CHST8: variants seen among roughly 807,000 people sequenced by gnomAD.
CHST8 encodes GALNAC-4-ST1.
CHST8 carries 10 observed loss-of-function variants against 15.0 expected under a neutral mutation model. That is an observed-to-expected ratio of 0.67 (90% confidence interval 0.41 to 1.13). The LOEUF (loss-of-function observed/expected upper bound fraction) is 1.13. CHST8 is among the 50% of genes most tolerant of loss of function. The pLI, the probability that CHST8 is intolerant of heterozygous loss-of-function variation, is 0.00. For missense variants in CHST8, 634 were observed against 608.2 expected (o/e 1.04, Z -0.45); for synonymous variants, 259 against 256.6 (o/e 1.01, Z -0.09).
At chr19:33,658,482 G>A (rs1367380232) in intron 1 of CHST8, among the ~76,000 whole-genome samples, 1 of 152,030 alleles carries the variant, frequency 6.6e-6, no homozygotes, top group Non-Finnish European at 1.5e-5. Context: ...CAATTTCAGG[G>A]CAAGCCCTCT....
chr19:33,698,780 G>C (rs534099755), intron 3 of CHST8, among the ~76,000 whole-genome samples: 5 of 152,188 alleles, frequency 3.3e-5, no homozygotes, highest in Non-Finnish European at 7.4e-5. Context: ...TCCACCGAGG[G>C]GTGTCCAGCC....
chr19:33,704,145 G>A (rs1348938921), intron 3 of CHST8, among the ~76,000 whole-genome samples: 3 of 152,198 alleles, frequency 2.0e-5, no homozygotes, highest in Non-Finnish European at 4.4e-5. Flanking sequence ...CTCTGTGCCT[G>A]GTCTTGGTTT....
intron 3 of CHST8, among the ~76,000 whole-genome samples, chr19:33,707,521 A>C (rs543368104): frequency 1.3e-5 from 2 of 152,278 alleles, no homozygotes; most frequent in African/African-American, 4.8e-5. Context: ...TGTGTGGTCT[A>C]TCATATCTGG....
chr19:33,720,315 TA>T (rs2145308527), intron 3 of CHST8, among the ~76,000 whole-genome samples: 1 of 150,318 alleles, frequency 6.7e-6, no homozygotes, highest in African/African-American at 2.4e-5. Context: ...ACATCACATA[TA>T]CACACTGCAC....
At chr19:33,718,975 T>C (rs1973723801) in intron 3 of CHST8, among the ~76,000 whole-genome samples, 1 of 152,078 alleles carries the variant, frequency 6.6e-6, no homozygotes, top group South Asian at 2.1e-4. Context: ...CTACAGGGGC[T>C]CTGGACTTGT....
At chr19:33,691,107 T>C (rs1362052649) in intron 3 of CHST8, among the ~76,000 whole-genome samples, 1 of 152,218 alleles carries the variant, frequency 6.6e-6, no homozygotes, top group East Asian at 1.9e-4. Context: ...GCTAGTGCCC[T>C]GCCCTGCCGC....
At chr19:33,720,837 G>A (rs1973776400) in intron 3 of CHST8, among the ~76,000 whole-genome samples, 1 of 152,244 alleles carries the variant, frequency 6.6e-6, no homozygotes, top group Non-Finnish European at 1.5e-5. Flanking sequence ...CTGGGAGCTG[G>A]GGCCAGTTCA....
At chr19:33,701,976 A>G in intron 3 of CHST8, among the ~76,000 whole-genome samples, 1 of 151,962 alleles carries the variant, frequency 6.6e-6, no homozygotes, top group South Asian at 2.1e-4. Context: ...CATGGTCTAT[A>G]TGTTTGTTTG....
intron 1 of CHST8, among the ~76,000 whole-genome samples, chr19:33,661,314 G>A (rs942108786): frequency 3.9e-5 from 6 of 152,270 alleles, no homozygotes; most frequent in Non-Finnish European, 8.8e-5. Flanking sequence ...CTGCACCTTG[G>A]AATATTCTGG....
intron 2 of CHST8, among the ~76,000 whole-genome samples, chr19:33,684,371 C>A (rs1232002832): frequency 6.6e-6 from 1 of 152,198 alleles, no homozygotes; most frequent in African/African-American, 2.4e-5. Context: ...GTGCCAAGGC[C>A]CGGCTCTGGG....
At chr19:33,740,957 T>TGGAGC (rs746439279) in intron 3 of CHST8, among the ~76,000 whole-genome samples, 3 of 152,218 alleles carry the variant, frequency 2.0e-5, no homozygotes, top group Non-Finnish European at 2.9e-5. Context: ...GAACAGAACC[T>TGGAGC]GGAGCTAAAC....
rs532867130 is a variant in CHST8, at chr19:33,724,643, A to G, written c.130+35252A>G. 1.2e-3 allele frequency among the ~76,000 whole-genome samples: 180 copies of G among 152,194 alleles called. 1 individual carries two copies. Among genetic ancestry groups the G allele is most frequent in the Non-Finnish European group, 2.0e-3 (138 of 67,968 alleles). ...CCTCGGAAGGCCCTGGAGGGGCACA[A>G]AGACCAGGTCAGACCTGCCACTCCT... On this transcript the variant is annotated intron_variant, in intron 3 of 4. Transcript: ENST00000650847.
At chr19:33,759,620 C>T (rs191638804) in intron 3 of CHST8, among the ~76,000 whole-genome samples, 1 of 152,340 alleles carries the variant, frequency 6.6e-6, no homozygotes, top group Admixed American at 6.5e-5. Context: ...TGACCAGCCA[C>T]CCCTGATCCC....
chr19:33,722,369 G>C (rs749893118), intron 3 of CHST8, among the ~76,000 whole-genome samples: 1 of 152,156 alleles, frequency 6.6e-6, no homozygotes, highest in Non-Finnish European at 1.5e-5. Context: ...ATGGACGGAC[G>C]GACAGACGGA....
intron 3 of CHST8, among the ~76,000 whole-genome samples, chr19:33,758,023 G>A (rs937270728): frequency 2.6e-5 from 4 of 152,032 alleles, no homozygotes; most frequent in Non-Finnish European, 5.9e-5. Context: ...CCAGACCCTC[G>A]GCAGGGAAGA....
chr19:33,694,093 C>CATATATATAT lies in CHST8; in HGVS notation c.130+4730_130+4739dup, dbSNP rs3040787. Among the ~76,000 whole-genome samples the CATATATATAT allele has an allele frequency of 8.5e-3, 266 of 31,342 alleles. 42 individuals are homozygous for CATATATATAT. Among genetic ancestry groups the CATATATATAT allele is most frequent in the Non-Finnish European group, 0.011 (186 of 17,478 alleles). The allele number at this position is 31,342 out of a possible 152,430, so 20.6% of individuals were successfully genotyped here. A position where few individuals can be genotyped will look rare whatever the true frequency, so the allele number is the denominator to read the frequency against. On this transcript the variant is annotated intron_variant, in intron 3 of 4. Coordinates refer to ENST00000650847, the MANE Select transcript of CHST8 (RefSeq NM_001127895.2). ...CATACAGATTCTGTTGTAGTTTATT[C>CATATATATAT]ATATATATATATATATATATATATA...
intron 3 of CHST8, among the ~76,000 whole-genome samples, chr19:33,742,712 T>C (rs1361639875): frequency 6.6e-6 from 1 of 152,208 alleles, no homozygotes; most frequent in East Asian, 1.9e-4. Flanking sequence ...TTGTTTTTGT[T>C]GTATATATCG....
intron 3 of CHST8, among the ~76,000 whole-genome samples, chr19:33,739,052 C>T (rs62103471): frequency 0.052 from 7,840 of 152,208 alleles, 344 homozygotes; most frequent in Admixed American, 0.13. Flanking sequence ...TCAGGCAAAA[C>T]TCCCCCGCCC....
At chr19:33,625,884 G>A (rs1972046798) in intron 1 of CHST8, among the ~76,000 whole-genome samples, 1 of 151,878 alleles carries the variant, frequency 6.6e-6, no homozygotes, top group Non-Finnish European at 1.5e-5. Flanking sequence ...TTTTTAAATT[G>A]AGGTTGGTGC....
Sources: allele counts gnomAD v4.1 joint callset (sites outside exome capture counted in the v4.1 genomes callset), GRCh38; gene constraint gnomAD v4.1.1; transcripts MANE v1.5; gene names NCBI Gene and HGNC (gene_info 2026-07-23, HGNC 2026-07-21).